PACRG: variants seen among roughly 807,000 people sequenced by gnomAD.
PACRG encodes parkin coregulated.
PACRG carries 29 observed loss-of-function variants against 29.7 expected under a neutral mutation model. That is an observed-to-expected ratio of 0.98 (90% CI 0.73 to 1.33). PACRG has a LOEUF of 1.33. Ranked by LOEUF, PACRG falls within the 40% of genes most tolerant of loss-of-function variation. PACRG has a pLI of 0.00. For synonymous variants in PACRG, 116 were observed against 118.7 expected, an observed-to-expected ratio of 0.98 and a Z score of 0.15; for missense variants, 279 against 316.2, an observed-to-expected ratio of 0.88 and a Z score of 0.89.
intron 2 of PACRG, among the ~76,000 whole-genome samples, chr6:163,019,883 A>T (rs1806451186): frequency 6.6e-6 from 1 of 152,250 alleles, no homozygotes; most frequent in Non-Finnish European, 1.5e-5. Flanking sequence ...CTATAGAAAC[A>T]GACTCCCAGG....
chr6:163,185,883 C>T (rs1332634294), intron 4 of PACRG, among the ~76,000 whole-genome samples: 1 of 152,164 alleles, frequency 6.6e-6, no homozygotes, highest in Admixed American at 6.5e-5. Flanking sequence ...AGCTCCAGAG[C>T]TGCTTCCCTG....
chr6:162,970,432 C>G (rs888476030), intron 2 of PACRG, among the ~76,000 whole-genome samples: 12 of 151,668 alleles, frequency 7.9e-5, no homozygotes, highest in African/African-American at 2.9e-4. Flanking sequence ...ACCACCTGGT[C>G]CCCCTCTTCT....
intron 4 of PACRG, among the ~76,000 whole-genome samples, chr6:163,120,207 A>G (rs1816202913): frequency 6.6e-6 from 1 of 152,214 alleles, no homozygotes; most frequent in Non-Finnish European, 1.5e-5. Flanking sequence ...ATACTGACCT[A>G]GTATTCAACT....
chr6:163,056,523 T>G (rs1335739183), intron 2 of PACRG, among the ~76,000 whole-genome samples: 1 of 152,152 alleles, frequency 6.6e-6, no homozygotes, highest in Non-Finnish European at 1.5e-5. Context: ...TAACAGGGAC[T>G]TATAAACAGA....
chr6:163,130,745 A>C (rs1019527722), intron 4 of PACRG, among the ~76,000 whole-genome samples: 1 of 152,136 alleles, frequency 6.6e-6, no homozygotes, highest in Non-Finnish European at 1.5e-5. Context: ...AAGCAGGTCC[A>C]TGGACTGAGA....
At chr6:163,245,991 T>C (rs930847003) in intron 4 of PACRG, among the ~76,000 whole-genome samples, 3 of 152,142 alleles carry the variant, frequency 2.0e-5, no homozygotes, top group Admixed American at 2.0e-4. Context: ...CCTCAGCGCC[T>C]CCACCTCTGC....
chr6:162,813,289 C>G (rs1331283731), intron 1 of PACRG, among the ~76,000 whole-genome samples: 1 of 151,798 alleles, frequency 6.6e-6, no homozygotes, highest in Non-Finnish European at 1.5e-5. Context: ...TATAAAATGA[C>G]TAGTATTTAC....
intron 2 of PACRG, among the ~76,000 whole-genome samples, chr6:162,850,321 T>A (rs1028782276): frequency 1.1e-4 from 16 of 152,208 alleles, no homozygotes; most frequent in African/African-American, 3.9e-4. Flanking sequence ...AATATATAAT[T>A]GGTCTTCAGC....
intron 1 of PACRG, among the ~76,000 whole-genome samples, chr6:162,793,551 C>CTT (rs75822243): frequency 0.014 from 2,074 of 152,208 alleles, 31 homozygotes; most frequent in Admixed American, 0.056. Flanking sequence ...TCTAGGCATC[C>CTT]TTTCACCATC....
At chr6:163,058,218 G>C (rs1461633801) in intron 2 of PACRG, among the ~76,000 whole-genome samples, 1 of 152,108 alleles carries the variant, frequency 6.6e-6, no homozygotes, top group Non-Finnish European at 1.5e-5. Context: ...AGCCTTCTAA[G>C]CAGGATTACG....
chr6:162,989,623 GA>G (rs557239151), intron 2 of PACRG, among the ~76,000 whole-genome samples: 77 of 151,492 alleles, frequency 5.1e-4, no homozygotes, highest in Non-Finnish European at 4.9e-4. Context: ...ATTCAGTACA[GA>G]CACAACAAAT....
At chr6:163,122,286 T>TAC (rs57013650) in intron 4 of PACRG, among the ~76,000 whole-genome samples, 1,782 of 151,096 alleles carry the variant, frequency 0.012, 18 homozygotes, top group African/African-American at 0.016. Flanking sequence ...TTAACGCATT[T>TAC]ACACACACAC....
intron 1 of PACRG, among the ~76,000 whole-genome samples, chr6:162,795,998 T>C (rs1307193005): frequency 1.3e-5 from 2 of 152,196 alleles, no homozygotes; most frequent in Admixed American, 1.3e-4. Flanking sequence ...GAGTAAATGA[T>C]CATGTAATCT....
chr6:162,990,721 G>A (rs2128184772), intron 2 of PACRG, among the ~76,000 whole-genome samples: 1 of 134,838 alleles, frequency 7.4e-6, no homozygotes, highest in East Asian at 2.0e-4. Flanking sequence ...TTCTTTTGCT[G>A]TGCAGAAGCT....
chr6:163,017,458 C>G (rs1224957755), intron 2 of PACRG, among the ~76,000 whole-genome samples: 3 of 152,200 alleles, frequency 2.0e-5, no homozygotes, highest in African/African-American at 7.2e-5. Context: ...TCTTTTGCAG[C>G]CTTCTTCAAT....
intron 4 of PACRG, among the ~76,000 whole-genome samples, chr6:163,293,217 A>G (rs1339035143): frequency 6.6e-6 from 1 of 152,240 alleles, no homozygotes; most frequent in African/African-American, 2.4e-5. Context: ...TATTGATTTC[A>G]GCTGTAATGA....
chr6:162,810,110 C>A (rs1396212334), intron 1 of PACRG, among the ~76,000 whole-genome samples: 2 of 152,122 alleles, frequency 1.3e-5, no homozygotes, highest in Non-Finnish European at 2.9e-5. Flanking sequence ...CTGCCCCTTC[C>A]AGCCAGGAGG....
chr6:163,077,023 G>A (rs1052136318), intron 3 of PACRG, among the ~76,000 whole-genome samples: 5 of 152,186 alleles, frequency 3.3e-5, no homozygotes, highest in African/African-American at 9.7e-5. Flanking sequence ...ACTGCTGTCT[G>A]TACTGAAATC....
At chr6:162,866,615 G>GA (rs71008117) in intron 2 of PACRG, among the ~76,000 whole-genome samples, 29 of 145,190 alleles carry the variant, frequency 2.0e-4, no homozygotes, top group Non-Finnish European at 3.0e-4. Flanking sequence ...ATACACAGAA[G>GA]AAAAAAAAAA....
Sources: gnomAD v4.1 joint callset for allele counts (sites outside exome capture counted in the v4.1 genomes callset) on GRCh38, gnomAD v4.1.1 for gene constraint, MANE v1.5 for transcripts, NCBI Gene and HGNC (gene_info 2026-07-23, HGNC 2026-07-21) for gene names.